The following EEF1AKMT2 variants were observed in gnomAD, a reference collection of about 807,000 sequenced individuals.
The protein encoded by EEF1AKMT2 is eukaryotic translation elongation factor 1 alpha lysine methyltransferase 2.
Under a neutral mutation model 35.8 loss-of-function variants are expected in EEF1AKMT2, and 32 were observed. The ratio of observed to expected loss-of-function variants is 0.89; its 90% CI spans 0.67 to 1.20. EEF1AKMT2 has a LOEUF of 1.20. EEF1AKMT2 is among the 50% of genes most tolerant of loss of function. The pLI, the probability that EEF1AKMT2 is intolerant of heterozygous loss-of-function variation, is 0.00. For missense variants in EEF1AKMT2, 330 were observed against 347.5 expected (o/e 0.95, Z 0.40); for synonymous variants, 121 against 133.7 (o/e 0.91, Z 0.65).
intron 4 of EEF1AKMT2, among the ~76,000 whole-genome samples, chr10:124,773,135 C>G (rs1950452715): frequency 6.6e-6 from 1 of 152,156 alleles, no homozygotes; most frequent in South Asian, 2.1e-4. Flanking sequence ...TGTGACTCTA[C>G]CTTTCAACTG....
chr10:124,766,617 T>A (rs959991905), intron 4 of EEF1AKMT2, among the ~76,000 whole-genome samples: 2 of 152,226 alleles, frequency 1.3e-5, no homozygotes, highest in African/African-American at 4.8e-5. Context: ...TTGTAAATCA[T>A]GTTTAATCTA....
chr10:124,784,120 G>T (rs1320413697), intron 3 of EEF1AKMT2, among the ~76,000 whole-genome samples: 1 of 151,978 alleles, frequency 6.6e-6, no homozygotes, highest in Non-Finnish European at 1.5e-5. Context: ...CACCACACCT[G>T]GCAATACATA....
At chr10:124,771,155 A>G (rs1564903218) in intron 4 of EEF1AKMT2, among the ~76,000 whole-genome samples, 1 of 151,190 alleles carries the variant, frequency 6.6e-6, no homozygotes, top group Non-Finnish European at 1.5e-5. Context: ...GCTGGAGTGC[A>G]GCGGCTAGAT....
At chr10:124,779,158 T>C (rs149541013) in intron 3 of EEF1AKMT2, among the ~76,000 whole-genome samples, 4 of 151,994 alleles carry the variant, frequency 2.6e-5, no homozygotes, top group Non-Finnish European at 5.9e-5. Context: ...GGAAACAGGG[T>C]TTCCTTCTGT....
chr10:124,771,699 C>T (rs188867917), intron 4 of EEF1AKMT2, among the ~76,000 whole-genome samples: 5 of 152,046 alleles, frequency 3.3e-5, no homozygotes, highest in African/African-American at 1.2e-4. Context: ...GAAACCCCAT[C>T]TCTACTAAAA....
At chr10:124,762,164 C>T (rs747784625) in intron 6 of EEF1AKMT2, 136 bp downstream of exon 6, 23 of 599,752 alleles carry the variant, frequency 3.8e-5, no homozygotes, top group Non-Finnish European at 4.5e-5. Flanking sequence ...AACGCCAATG[C>T]GCCACCCCAC....
intron 4 of EEF1AKMT2, among the ~76,000 whole-genome samples, chr10:124,767,628 G>A (rs1267707981): frequency 6.6e-6 from 1 of 151,948 alleles, no homozygotes; most frequent in Non-Finnish European, 1.5e-5. Flanking sequence ...GTGCCATGAA[G>A]AAAATAAAGC....
intron 3 of EEF1AKMT2, among the ~76,000 whole-genome samples, chr10:124,776,318 C>A (rs1950486559): frequency 6.6e-6 from 1 of 152,056 alleles, no homozygotes. Flanking sequence ...TTCTGGCACC[C>A]AAAAATGAGC....
At chr10:124,779,788 C>T (rs1369289013) in intron 3 of EEF1AKMT2, among the ~76,000 whole-genome samples, 1 of 135,686 alleles carries the variant, frequency 7.4e-6, no homozygotes, top group East Asian at 2.2e-4. Context: ...AATAGTCAGG[C>T]GTGGTGGCTC....
In EEF1AKMT2 at chr10:124,771,334, T is replaced by C. The variant is rs577811644; in HGVS notation, c.399+3341A>G. Reference sequence around the variant, plus strand: ...CAGGATGGTCTTGATCTCCTGACCTTGTGATCCGCCCACCTTGGCCTCCCA... The same window carrying C: ...CAGGATGGTCTTGATCTCCTGACCTCGTGATCCGCCCACCTTGGCCTCCCA... On this transcript the variant is annotated intron_variant, in intron 4 of 6. Coordinates refer to ENST00000368836, the MANE Select transcript of EEF1AKMT2 (RefSeq NM_212554.4). Among the ~76,000 whole-genome samples the C allele has an allele frequency of 4.8e-3, 734 of 151,754 alleles. 4 individuals are homozygous for C. Among genetic ancestry groups the C allele is most frequent in the Middle Eastern group, 0.01 (3 of 294 alleles).
chr10:124,776,711 C>T (rs1950490461), intron 3 of EEF1AKMT2, among the ~76,000 whole-genome samples: 1 of 151,998 alleles, frequency 6.6e-6, no homozygotes. Context: ...AGGAGAATTG[C>T]TTGAACCCGG....
chr10:124,787,901 C>T (rs962617285), intron 3 of EEF1AKMT2, among the ~76,000 whole-genome samples: 2 of 152,126 alleles, frequency 1.3e-5, no homozygotes, highest in African/African-American at 2.4e-5. Context: ...CTTTAATGTA[C>T]ACACACTATA....
In EEF1AKMT2 at chr10:124,774,761, T is replaced by C. The variant is rs1489813110; in HGVS notation, c.313A>G (p.Ile105Val). 7.5e-6 allele frequency: 11 copies of C among 1,470,762 alleles called. No homozygotes were observed. The highest frequency in any genetic ancestry group is 1.6e-5 in the South Asian group (1 of 64,010). The allele number at this position is 1,470,762 out of a possible 1,614,324, so 91.1% of individuals were successfully genotyped here. ...GAAGGAGAGTAATCAATTCCAGTAA[T>C]ATTAGAGAAACCAAATTTTGCCTAG... Reference protein sequence around the residue: ...VELAKFGFSNITGIDYSPSAI... With the variant: ...VELAKFGFSNVTGIDYSPSAI... The change falls in exon 4 of 7, where the codon ATT becomes GTT. Residue 105 changes from isoleucine (I) to valine (V), a missense_variant. Coordinates refer to ENST00000368836, the MANE Select transcript of EEF1AKMT2 (RefSeq NM_212554.4).
downstream of EEF1AKMT2, among the ~76,000 whole-genome samples, chr10:124,757,506 A>C (rs1381144332): frequency 6.6e-6 from 1 of 152,232 alleles, no homozygotes; most frequent in Admixed American, 6.5e-5. Flanking sequence ...AATTTGAAGA[A>C]AATTATTTCA....
intron 6 of EEF1AKMT2, among the ~76,000 whole-genome samples, chr10:124,760,807 T>C (rs1445470401): frequency 3.3e-5 from 5 of 152,238 alleles, no homozygotes; most frequent in South Asian, 2.1e-4. Flanking sequence ...TGCAAAGCTG[T>C]ATCTCTGTTA....
Position 124,782,874 on chromosome 10 carries a change from G to A in EEF1AKMT2, c.291+6169C>T, listed in dbSNP as rs147708862. ...ATAAAATGTAGACCTAAATCCAAAC[G>A]TATCAATAATCACATTGAACATAAA... is the stretch of plus-strand genomic sequence containing the variant. On this transcript the variant is annotated intron_variant, in intron 3 of 6. Transcript: ENST00000368836. 1.4e-3 allele frequency: 411 copies of A among 292,958 alleles called. 6 individuals are homozygous for A. The East Asian group carries it at 0.018, about 13-fold the overall frequency. The allele number at this position is 292,958 out of a possible 1,614,324, so 18.1% of individuals were successfully genotyped here. A position where few individuals can be genotyped will look rare whatever the true frequency, so the allele number is the denominator to read the frequency against.
At chr10:124,771,600 T>C (rs866533744) in intron 4 of EEF1AKMT2, among the ~76,000 whole-genome samples, 1 of 151,812 alleles carries the variant, frequency 6.6e-6, no homozygotes, top group Non-Finnish European at 1.5e-5. Context: ...CTGGGCATGG[T>C]GGCTCACGCC....
At chr10:124,777,999 G>A (rs577341763) in intron 3 of EEF1AKMT2, among the ~76,000 whole-genome samples, 7 of 151,662 alleles carry the variant, frequency 4.6e-5, no homozygotes, top group African/African-American at 1.5e-4. Flanking sequence ...CGAGACCAGC[G>A]TGGCCAACAT....
Position 124,760,069 on chromosome 10 carries a change from T to C in EEF1AKMT2, c.*434A>G, listed in dbSNP as rs780684837. 7 of 257,016 alleles carry C rather than the reference T, an allele frequency of 2.7e-5. No homozygotes were observed. The highest frequency in any genetic ancestry group is 4.3e-5 in the Non-Finnish European group (6 of 138,172). The allele number at this position is 257,016 out of a possible 1,614,324, so 15.9% of individuals were successfully genotyped here. On this transcript the variant is annotated 3_prime_UTR_variant, in exon 7 of 7. Transcript: ENST00000368836. ...AATATTCATAAATAGTTATCAACTT[T>C]ACCAAGGCACAAAAATCAAGAATAC...
Sources: allele counts gnomAD v4.1 joint callset (sites outside exome capture counted in the v4.1 genomes callset), GRCh38; gene constraint gnomAD v4.1.1; transcripts MANE v1.5; gene names NCBI Gene and HGNC (gene_info 2026-07-23, HGNC 2026-07-21).